Variants in RXRA observed in about 807,000 individuals in gnomAD.
The protein encoded by RXRA is retinoid X receptor alpha, also known as retinoic acid receptor RXR-alpha.
Under a neutral mutation model 44.5 loss-of-function variants are expected in RXRA, and 5 were observed. The observed-to-expected ratio is 0.11, with a 90% CI of 0.06 to 0.24. The LOEUF (loss-of-function observed/expected upper bound fraction) is 0.24. RXRA is among the 10% of genes least tolerant of loss of function. The pLI, the probability that RXRA is intolerant of heterozygous loss-of-function variation, is 1.00. For synonymous variants in RXRA, 291 were observed against 271.4 expected (o/e 1.07, Z -0.71); for missense variants, 412 against 646.5 (o/e 0.64, Z 3.93).
intron 1 of RXRA, among the ~76,000 whole-genome samples, chr9:134,384,122 G>T (rs1830685285): frequency 6.6e-6 from 1 of 151,916 alleles, no homozygotes; most frequent in Non-Finnish European, 1.5e-5. Flanking sequence ...CCTGTGGGGG[G>T]AGTCCCAGAC....
At chr9:134,357,403 C>T (rs1268852034) in intron 1 of RXRA, among the ~76,000 whole-genome samples, 1 of 152,208 alleles carries the variant, frequency 6.6e-6, no homozygotes, top group East Asian at 1.9e-4. Flanking sequence ...GCACCTTGGC[C>T]CCTCTGCTGT....
intron 1 of RXRA, among the ~76,000 whole-genome samples, chr9:134,327,596 C>T (rs1266787539): frequency 2.0e-5 from 3 of 152,184 alleles, no homozygotes; most frequent in Non-Finnish European, 4.4e-5. Context: ...GAATGGAAAT[C>T]GAAACAGCTG....
chr9:134,340,727 G>A (rs1830076290), intron 1 of RXRA, among the ~76,000 whole-genome samples: 1 of 152,210 alleles, frequency 6.6e-6, no homozygotes, highest in South Asian at 2.1e-4. Flanking sequence ...TAGATTGGAT[G>A]TGTGAGCTGT....
intron 1 of RXRA, chr9:134,379,238 G>A (rs1243233806): frequency 6.3e-6 from 6 of 946,034 alleles, no homozygotes; most frequent in Non-Finnish European, 7.5e-6. Context: ...GATCCCTGTG[G>A]GCTCCCTGAG....
chr9:134,347,062 G>C (rs1336971145), intron 1 of RXRA, among the ~76,000 whole-genome samples: 1 of 151,978 alleles, frequency 6.6e-6, no homozygotes. Flanking sequence ...CATCACTGTG[G>C]AGGTGACAGG....
intron 1 of RXRA, among the ~76,000 whole-genome samples, chr9:134,395,927 C>T (rs1830871141): frequency 6.6e-6 from 1 of 152,224 alleles, no homozygotes; most frequent in Admixed American, 6.5e-5. Context: ...GACACTTGGC[C>T]TGGAGGCCGC....
At position 134,406,964 on chromosome 9, in the gene RXRA, A is replaced by T. The variant is rs1188659953; in HGVS notation, c.280-1185A>T. ...GCATTTGGTGAGTCACACAGTGGCC[A>T]CCCGCTTCTCCAGTGGGAGCTTCAT... On this transcript the variant is annotated intron_variant, in intron 2 of 9. Transcript: ENST00000481739. Among the ~76,000 whole-genome samples the T allele has an allele frequency of 3.9e-5, 6 of 152,148 alleles. No homozygotes were observed. The East Asian group carries it at 1.2e-3, about 29-fold the overall frequency.
intron 1 of RXRA, among the ~76,000 whole-genome samples, chr9:134,399,228 C>T (rs1483993150): frequency 6.6e-6 from 1 of 152,184 alleles, no homozygotes; most frequent in Admixed American, 6.5e-5. Flanking sequence ...TCCCAGGGTC[C>T]CCGCAGTGCC....
intron 1 of RXRA, among the ~76,000 whole-genome samples, chr9:134,385,847 C>T (rs1028957490): frequency 6.6e-6 from 1 of 152,272 alleles, no homozygotes; most frequent in Non-Finnish European, 1.5e-5. Context: ...GGGCAGCCAG[C>T]TGTGGTGGAG....
intron 6 of RXRA, chr9:134,425,606 T>TGGGA (rs371508373): frequency 0.025 from 3,531 of 140,854 alleles, 9 homozygotes; most frequent in Non-Finnish European, 0.027. Context: ...CTTGCTGGGC[T>TGGGA]GGGAGGGAGG....
Position 134,425,038 on chromosome 9 carries a change from C to G in RXRA, c.910+3233C>G, listed in dbSNP as rs538444916. 8.1e-6 allele frequency: 8 copies of G among 985,472 alleles called. No individual in the cohort carries two copies. The African/African-American group carries it at 1.2e-4, about 15-fold the overall frequency. 61.0% of individuals were successfully genotyped at this position (985,472 alleles called of 1,614,324 possible). On this transcript the variant is annotated intron_variant, in intron 6 of 9. Coordinates refer to ENST00000481739, the MANE Select transcript of RXRA (RefSeq NM_002957.6). ...CGATGGGAATGGGTGCCCAGACCTG[C>G]AATTCCCACCATCGTGAGAGCCATT...
chr9:134,391,783 G>A (rs1383873736), intron 1 of RXRA, among the ~76,000 whole-genome samples: 1 of 152,224 alleles, frequency 6.6e-6, no homozygotes, highest in Non-Finnish European at 1.5e-5. Flanking sequence ...GGGTGGCCAA[G>A]GGGTGGACCG....
At chr9:134,380,083 G>A (rs934841850) in intron 1 of RXRA, 29 of 985,358 alleles carry the variant, frequency 2.9e-5, no homozygotes, top group Non-Finnish European at 3.5e-5. Flanking sequence ...CAGCCCCTCT[G>A]TTGTCGTGGT....
chr9:134,368,169 G>A (rs1830437676), intron 1 of RXRA, among the ~76,000 whole-genome samples: 1 of 152,210 alleles, frequency 6.6e-6, no homozygotes, highest in Non-Finnish European at 1.5e-5. Context: ...CTGTAGGGGA[G>A]GGAGGCCAGG....
intron 1 of RXRA, among the ~76,000 whole-genome samples, chr9:134,354,040 G>A (rs932882378): frequency 1.3e-5 from 2 of 152,190 alleles, no homozygotes; most frequent in Non-Finnish European, 2.9e-5. Context: ...ACGGAGCCTA[G>A]ACTTCACTGT....
At position 134,349,786 on chromosome 9, in the gene RXRA, G is replaced by A. The variant is rs1472540656; in HGVS notation, c.28+23127G>A. Among the ~76,000 whole-genome samples, 1 of 148,360 alleles carries A rather than the reference G, an allele frequency of 6.7e-6. No homozygotes were observed. Among genetic ancestry groups the A allele is most frequent in the Non-Finnish European group, 1.5e-5 (1 of 67,434 alleles). ...AGCCTGGCGGTGTCCACCCAGGAAG[G>A]CTGCTTGGAGGAGGGGCAGAGCTGG... On this transcript the variant is annotated intron_variant, in intron 1 of 9. Coordinates refer to ENST00000481739, the MANE Select transcript of RXRA (RefSeq NM_002957.6). This position sits in a 1 kb window ranked among gnomAD's most constrained non-coding sequence, Gnocchi z 4.3.
intron 1 of RXRA, among the ~76,000 whole-genome samples, chr9:134,355,980 C>T (rs1008850814): frequency 2.0e-5 from 3 of 152,030 alleles, no homozygotes; most frequent in Non-Finnish European, 4.4e-5. Flanking sequence ...GCTCCCTGCC[C>T]TCGGGATGGC....
rs1307228202 is a variant in RXRA at position 134,424,930 on chromosome 9, T to C, written c.910+3125T>C. The C allele has an allele frequency of 1.0e-5, 10 of 985,424 alleles. No individual in the cohort carries two copies. In the South Asian group the frequency reaches 4.2e-4, roughly 42 times the overall value. The allele number at this position is 985,424 out of a possible 1,614,324, so 61.0% of individuals were successfully genotyped here. On this transcript the variant is annotated intron_variant, in intron 6 of 9. Coordinates refer to ENST00000481739, the MANE Select transcript of RXRA (RefSeq NM_002957.6). ...GGCAGGTGCCAGGGCCACTGAGTGCTCCCCCATTATGTCCCTGTGCTAGGC... is the reference window on the plus strand; with the variant it reads ...GGCAGGTGCCAGGGCCACTGAGTGCCCCCCCATTATGTCCCTGTGCTAGGC...
chr9:134,341,277 G>A (rs932160868), intron 1 of RXRA, among the ~76,000 whole-genome samples: 20 of 152,210 alleles, frequency 1.3e-4, no homozygotes, highest in African/African-American at 4.6e-4. Flanking sequence ...CATGTGGCCA[G>A]TTAACAGCAG....
Sources: gnomAD v4.1 joint callset for allele counts (sites outside exome capture counted in the v4.1 genomes callset) on GRCh38, gnomAD v4.1.1 for gene constraint, Gnocchi (gnomAD v3.1) non-coding constraint, MANE v1.5 for transcripts, NCBI Gene and HGNC (gene_info 2026-07-23, HGNC 2026-07-21) for gene names.